CTNNBL1: variants seen among roughly 807,000 people sequenced by gnomAD.
CTNNBL1 encodes catenin beta like 1, also known as beta-catenin-like protein 1.
A neutral mutation model predicts 72.7 loss-of-function variants in CTNNBL1; 31 were observed. That is an observed-to-expected ratio of 0.43 (90% CI 0.32 to 0.58). The LOEUF (loss-of-function observed/expected upper bound fraction) is 0.58. Among genes scored for constraint, CTNNBL1 ranks in the 20% least tolerant of loss-of-function variants. The pLI is 0.08. For missense variants in CTNNBL1, 534 were observed against 725.1 expected (o/e 0.74, Z 3.03); for synonymous variants, 240 against 267.3 (o/e 0.90, Z 1.00).
chr20:37,860,035 AG>A lies in CTNNBL1; in HGVS notation c.1530+1del. ...GAGATCTGCAATGCCAATGTCCCCCAGGTAGGAGGGTCTTCCCCTGGATGGG... is the reference window on the plus strand; with the variant it reads ...GAGATCTGCAATGCCAATGTCCCCCAGTAGGAGGGTCTTCCCCTGGATGGG... Reference protein sequence around the residue: ...MAEICNANVPQIRQRVHQILN... With the variant: ...MAEICNANVPXIRQRVHQILN... On this transcript the variant is annotated frameshift_variant and splice_region_variant, in exon 14 of 16. Coordinates refer to ENST00000361383, the MANE Select transcript of CTNNBL1 (RefSeq NM_030877.5). LOFTEE classifies it high-confidence loss of function. 1 of 1,614,062 alleles carries A rather than the reference AG, an allele frequency of 6.2e-7. No individual in the cohort carries two copies. The highest frequency in any genetic ancestry group is 8.5e-7 in the Non-Finnish European group (1 of 1,179,988).
chr20:37,697,859 A>T (rs2072807207), intron 1 of CTNNBL1, among the ~76,000 whole-genome samples: 2 of 152,238 alleles, frequency 1.3e-5, no homozygotes, highest in Non-Finnish European at 2.9e-5. Context: ...ACGTGTCCAG[A>T]TTCACACAAG....
chr20:37,827,555 G>A lies in CTNNBL1; in HGVS notation c.1214-12547G>A, dbSNP rs182018808. 5.3e-5 allele frequency among the ~76,000 whole-genome samples: 8 copies of A among 152,300 alleles called. No homozygotes were observed. The East Asian group carries it at 1.2e-3, about 22-fold the overall frequency. ...GAAACCCTTGTCTCCTAACTCTAGCGTTCTCTACAGCAGACTTCCCTTTTT... is the reference window on the plus strand; with the variant it reads ...GAAACCCTTGTCTCCTAACTCTAGCATTCTCTACAGCAGACTTCCCTTTTT... On this transcript the variant is annotated intron_variant, in intron 11 of 15. Coordinates refer to ENST00000361383, the MANE Select transcript of CTNNBL1 (RefSeq NM_030877.5).
At chr20:37,846,517 G>A (rs2072348595) in intron 13 of CTNNBL1, among the ~76,000 whole-genome samples, 1 of 152,130 alleles carries the variant, frequency 6.6e-6, no homozygotes, top group African/African-American at 2.4e-5. Flanking sequence ...ATATGGTGTC[G>A]GTGAATGTAT....
intron 5 of CTNNBL1, among the ~76,000 whole-genome samples, chr20:37,760,739 A>G (rs1293971882): frequency 5.9e-5 from 9 of 152,242 alleles, no homozygotes; most frequent in Admixed American, 5.2e-4. Context: ...CACAGAGTAA[A>G]CACCTGATAA....
At chr20:37,711,599 T>C (rs149426198) in intron 1 of CTNNBL1, among the ~76,000 whole-genome samples, 85 of 148,672 alleles carry the variant, frequency 5.7e-4, no homozygotes, top group African/African-American at 2.0e-3. Flanking sequence ...AAAAACAAGA[T>C]AATTTCAAAT....
At chr20:37,741,845 T>G (rs1326168433) in intron 3 of CTNNBL1, among the ~76,000 whole-genome samples, 3 of 152,236 alleles carry the variant, frequency 2.0e-5, no homozygotes, top group African/African-American at 7.2e-5. Context: ...TGCAGTTTTA[T>G]TCTCTGCTTG....
At chr20:37,719,872 G>T (rs771079349) in intron 1 of CTNNBL1, among the ~76,000 whole-genome samples, 62 of 142,110 alleles carry the variant, frequency 4.4e-4, no homozygotes, top group African/African-American at 1.5e-3. Flanking sequence ...ACAGGGTCTT[G>T]CTCTGTTGCC....
At chr20:37,856,399 C>A (rs916043174) in intron 13 of CTNNBL1, among the ~76,000 whole-genome samples, 3 of 151,972 alleles carry the variant, frequency 2.0e-5, no homozygotes, top group South Asian at 2.1e-4. Context: ...GGTTGAAGGA[C>A]TGAAAAATCA....
chr20:37,720,264 G>A (rs529665505), intron 1 of CTNNBL1, among the ~76,000 whole-genome samples: 2 of 152,124 alleles, frequency 1.3e-5, no homozygotes, highest in South Asian at 2.1e-4. Flanking sequence ...TCCTGACCTC[G>A]TGATCCGCCC....
intron 11 of CTNNBL1, among the ~76,000 whole-genome samples, chr20:37,822,679 A>C (rs2122773886): frequency 6.6e-6 from 1 of 152,348 alleles, no homozygotes; most frequent in Middle Eastern, 3.4e-3. Flanking sequence ...AAGCTGGCTC[A>C]TGAAGTGAGA....
intron 15 of CTNNBL1, among the ~76,000 whole-genome samples, chr20:37,870,011 T>TAAAA (rs56281604): frequency 9.1e-6 from 1 of 110,276 alleles, no homozygotes; most frequent in Non-Finnish European, 1.9e-5. Context: ...CGCCATCTCC[T>TAAAA]AAAAAAAAAA....
intron 4 of CTNNBL1, among the ~76,000 whole-genome samples, chr20:37,756,106 G>A (rs1181772054): frequency 6.6e-6 from 1 of 151,996 alleles, no homozygotes; most frequent in Admixed American, 6.6e-5. Context: ...TTAGTTGCCT[G>A]TTTTCTGAGC....
rs527705146 is a variant in CTNNBL1, at chr20:37,850,230, T to C, written c.1392+7811T>C. Reference sequence around the variant, plus strand: ...TTAGCGGGGGATGTAAATTTAGAAATTGACTGAATTTAAGTAAATTTAGAA... The same window carrying C: ...TTAGCGGGGGATGTAAATTTAGAAACTGACTGAATTTAAGTAAATTTAGAA... On this transcript the variant is annotated intron_variant, in intron 13 of 15. Coordinates refer to ENST00000361383, the MANE Select transcript of CTNNBL1 (RefSeq NM_030877.5). 1.3e-3 allele frequency among the ~76,000 whole-genome samples: 205 copies of C among 152,022 alleles called. 1 individual carries two copies. The highest frequency in any genetic ancestry group is 4.8e-3 in the African/African-American group (199 of 41,452).
intron 13 of CTNNBL1, among the ~76,000 whole-genome samples, chr20:37,847,282 A>G (rs2072354609): frequency 6.6e-6 from 1 of 152,194 alleles, no homozygotes; most frequent in Admixed American, 6.5e-5. Flanking sequence ...TATTACAATA[A>G]TCTGTAACTA....
intron 7 of CTNNBL1, among the ~76,000 whole-genome samples, chr20:37,768,347 G>A (rs2073489993): frequency 6.6e-6 from 1 of 152,198 alleles, no homozygotes; most frequent in African/African-American, 2.4e-5. Flanking sequence ...GGCAGTCACT[G>A]TTAACAATAT....
chr20:37,735,624 TGGGGAGGAG>T (rs1342145253), intron 2 of CTNNBL1, among the ~76,000 whole-genome samples: 1 of 152,166 alleles, frequency 6.6e-6, no homozygotes, highest in Non-Finnish European at 1.5e-5. Flanking sequence ...CTGTAGACCC[TGGGGAGGAG>T]GTAGGGGTTC....
chr20:37,866,635 C>T (rs2072539388), intron 15 of CTNNBL1, among the ~76,000 whole-genome samples: 1 of 152,158 alleles, frequency 6.6e-6, no homozygotes, highest in African/African-American at 2.4e-5. Flanking sequence ...GATGCTCAGA[C>T]CAACATAAAT....
At chr20:37,703,564 A>G (rs1225237844) in intron 1 of CTNNBL1, among the ~76,000 whole-genome samples, 2 of 152,158 alleles carry the variant, frequency 1.3e-5, no homozygotes, top group East Asian at 1.9e-4. Context: ...CTTTTTGCAG[A>G]CAGCTCTTAG....
intron 10 of CTNNBL1, among the ~76,000 whole-genome samples, chr20:37,797,465 G>C (rs1462599254): frequency 6.7e-6 from 1 of 149,708 alleles, no homozygotes; most frequent in East Asian, 2.0e-4. Flanking sequence ...CTTCTGTTCT[G>C]AATACTTTCT....
Sources: gnomAD v4.1 joint callset for allele counts (sites outside exome capture counted in the v4.1 genomes callset) on GRCh38, gnomAD v4.1.1 for gene constraint, MANE v1.5 for transcripts, NCBI Gene and HGNC (gene_info 2026-07-23, HGNC 2026-07-21) for gene names.